Variants in ADGRL3 observed in about 807,000 individuals in gnomAD.
ADGRL3 encodes the protein calcium-independent alpha-latrotoxin receptor 3.
A neutral mutation model predicts 153.5 loss-of-function variants in ADGRL3; 62 were observed. That is an observed-to-expected ratio of 0.40 (90% CI 0.33 to 0.50). The LOEUF (loss-of-function observed/expected upper bound fraction) is 0.50. ADGRL3 is among the 20% of genes least tolerant of loss of function. The probability of loss-of-function intolerance (pLI) is 0.47; values close to 1 mark genes in which losing one functional copy is unlikely to be tolerated. For synonymous variants in ADGRL3, 710 were observed against 672.5 expected, an observed-to-expected ratio of 1.06 and a Z score of -0.86; for missense variants, 1,641 against 1,859.4, an observed-to-expected ratio of 0.88 and a Z score of 2.16.
chr4:61,733,616 CATTTT>C, intron 8 of ADGRL3, 62 bp downstream of exon 8: 1 of 1,199,088 alleles, frequency 8.3e-7, no homozygotes, highest in Non-Finnish European at 1.2e-6. Flanking sequence ...TCAGCAAGTT[CATTTT>C]ATGTTTTTAT....
chr4:61,833,104 CAA>C (rs1198294579), intron 9 of ADGRL3, among the ~76,000 whole-genome samples: 1 of 152,106 alleles, frequency 6.6e-6, no homozygotes, highest in Non-Finnish European at 1.5e-5. Flanking sequence ...TTTTTATCTT[CAA>C]ATTTATTCCA....
At chr4:61,236,810 C>A (rs1188950481) in intron 1 of ADGRL3, among the ~76,000 whole-genome samples, 1 of 152,066 alleles carries the variant, frequency 6.6e-6, no homozygotes, top group African/African-American at 2.4e-5. Context: ...CGAATTAGAG[C>A]TAAGTTTTCT....
At chr4:61,971,551 C>G (rs1046328012) in intron 17 of ADGRL3, among the ~76,000 whole-genome samples, 1 of 152,060 alleles carries the variant, frequency 6.6e-6, no homozygotes, top group African/African-American at 2.4e-5. Flanking sequence ...TTAATCCAGT[C>G]TATCATTGTT....
intron 9 of ADGRL3, among the ~76,000 whole-genome samples, chr4:61,880,304 A>G (rs1267433758): frequency 6.6e-6 from 1 of 152,204 alleles, no homozygotes; most frequent in Non-Finnish European, 1.5e-5. Context: ...AATTAGTGGT[A>G]TCTATACAAA....
intron 9 of ADGRL3, among the ~76,000 whole-genome samples, chr4:61,824,971 T>G (rs2148783885): frequency 6.6e-6 from 1 of 152,306 alleles, no homozygotes; most frequent in South Asian, 2.1e-4. Context: ...ACTTGGAGAA[T>G]GAGAATCTTT....
chr4:61,414,055 A>G (rs148567895), intron 2 of ADGRL3, among the ~76,000 whole-genome samples: 11 of 152,334 alleles, frequency 7.2e-5, no homozygotes, highest in Non-Finnish European at 1.0e-4. Flanking sequence ...TGTTTCTATT[A>G]TTGAATTAAA....
intron 8 of ADGRL3, among the ~76,000 whole-genome samples, chr4:61,792,724 G>C (rs1335370303): frequency 6.6e-6 from 1 of 151,776 alleles, no homozygotes; most frequent in African/African-American, 2.4e-5. Context: ...TCCTGACCTC[G>C]GGATCTGCCC....
At chr4:61,343,012 G>A (rs575983487) in intron 1 of ADGRL3, among the ~76,000 whole-genome samples, 17 of 152,272 alleles carry the variant, frequency 1.1e-4, no homozygotes, top group African/African-American at 3.6e-4. Context: ...AGAGAAAAAT[G>A]AGAGCCAAGT....
chr4:61,947,545 A>G (rs1219623135), intron 16 of ADGRL3, among the ~76,000 whole-genome samples: 1 of 152,156 alleles, frequency 6.6e-6, no homozygotes, highest in East Asian at 1.9e-4. Flanking sequence ...AACTCACTTC[A>G]CTTTGGTAAC....
In ADGRL3 at chr4:61,600,307, CA is replaced by C. The variant is rs60557691; in HGVS notation, c.473+12885del. ...TGGGCAGCAGAGTGAGGCTGCCTTG[CA>C]AAAAAAAAAAAAAAAAAGAGGAAAT... is the stretch of plus-strand genomic sequence containing the variant. On this transcript the variant is annotated intron_variant, in intron 5 of 26. Coordinates refer to ENST00000683033, the MANE Select transcript of ADGRL3 (RefSeq NM_001387552.1). 1.4e-3 allele frequency among the ~76,000 whole-genome samples: 86 copies of C among 61,776 alleles called. 1 individual carries two copies. The highest frequency in any genetic ancestry group is 4.5e-3 in the African/African-American group (67 of 14,864). 40.5% of individuals were successfully genotyped at this position (61,776 alleles called of 152,430 possible).
chr4:62,035,751 A>G (rs1200255672), intron 23 of ADGRL3, among the ~76,000 whole-genome samples: 1 of 152,100 alleles, frequency 6.6e-6, no homozygotes, highest in Non-Finnish European at 1.5e-5. Context: ...CAAATGTGGC[A>G]TCTTAGAGCT....
intron 1 of ADGRL3, among the ~76,000 whole-genome samples, chr4:61,241,496 T>C (rs377310752): frequency 6.6e-6 from 1 of 152,070 alleles, no homozygotes; most frequent in Non-Finnish European, 1.5e-5. Flanking sequence ...CTTGGAAATA[T>C]TTTTAAAGAT....
At chr4:61,580,407 A>G (rs1026141039) in intron 4 of ADGRL3, among the ~76,000 whole-genome samples, 1 of 152,066 alleles carries the variant, frequency 6.6e-6, no homozygotes, top group Non-Finnish European at 1.5e-5. Context: ...ATACTAGACT[A>G]TTTGTACGAT....
chr4:61,460,035 A>G (rs1170340184), intron 2 of ADGRL3, among the ~76,000 whole-genome samples: 2 of 151,896 alleles, frequency 1.3e-5, no homozygotes, highest in Admixed American at 6.6e-5. Flanking sequence ...TTATCTCTTC[A>G]TTTTGTTGAT....
chr4:61,904,020 TG>T (rs2098681393), intron 11 of ADGRL3, among the ~76,000 whole-genome samples: 1 of 150,938 alleles, frequency 6.6e-6, no homozygotes. Flanking sequence ...CCTCCTGCAC[TG>T]GCCTCCCGAA....
chr4:61,642,363 A>G (rs935333549), intron 5 of ADGRL3, among the ~76,000 whole-genome samples: 1 of 152,152 alleles, frequency 6.6e-6, no homozygotes, highest in Non-Finnish European at 1.5e-5. Flanking sequence ...GTCCTTGCCC[A>G]TGCCTATGTC....
At chr4:61,388,383 A>G (rs143585298) in intron 2 of ADGRL3, among the ~76,000 whole-genome samples, 1 of 152,348 alleles carries the variant, frequency 6.6e-6, no homozygotes, top group African/African-American at 2.4e-5. Flanking sequence ...TATTTTCCAC[A>G]GGAAATGACC....
At chr4:61,902,625 G>A (rs1287706262) in intron 11 of ADGRL3, among the ~76,000 whole-genome samples, 6 of 151,928 alleles carry the variant, frequency 3.9e-5, no homozygotes, top group Non-Finnish European at 7.4e-5. Flanking sequence ...CTCCAGATAT[G>A]GTGCCCTTTG....
chr4:61,983,364 C>T lies in ADGRL3; in HGVS notation c.3016-19C>T, dbSNP rs1362863558. ...CCATGTGGTAGAGATTTGACTAAATCATTTGTTCCTTTTCCTAGATTGCCT... is the reference window on the plus strand; with the variant it reads ...CCATGTGGTAGAGATTTGACTAAATTATTTGTTCCTTTTCCTAGATTGCCT... On this transcript the variant is annotated intron_variant, in intron 18 of 26. Coordinates refer to ENST00000683033, the MANE Select transcript of ADGRL3 (RefSeq NM_001387552.1). 1 of 1,601,598 alleles carries T rather than the reference C, an allele frequency of 6.2e-7. No homozygotes were observed. The highest frequency in any genetic ancestry group is 1.3e-5 in the African/African-American group (1 of 74,728).
Sources: allele counts gnomAD v4.1 joint callset (sites outside exome capture counted in the v4.1 genomes callset), GRCh38; gene constraint gnomAD v4.1.1; transcripts MANE v1.5; gene names NCBI Gene and HGNC (gene_info 2026-07-23, HGNC 2026-07-21).